The following ABHD12B variants were observed in gnomAD, a reference collection of about 807,000 sequenced individuals.
ABHD12B encodes abhydrolase domain containing 12B.
A neutral mutation model predicts 50.4 loss-of-function variants in ABHD12B; 42 were observed. That is an observed-to-expected ratio of 0.83 (90% CI 0.65 to 1.08). The LOEUF (loss-of-function observed/expected upper bound fraction) is 1.08, where lower values mean the gene tolerates loss of function less well. ABHD12B is among the 50% of genes least tolerant of loss of function. ABHD12B has a pLI of 0.00. For missense variants in ABHD12B, 479 were observed against 447.7 expected (o/e 1.07, Z -0.63); for synonymous variants, 167 against 160.3 (o/e 1.04, Z -0.32).
Position 50,903,503 on chromosome 14 carries a change from A to G in ABHD12B, c.942+36A>G, listed in dbSNP as rs1361850715. On this transcript the variant is annotated intron_variant, in intron 11 of 12. Transcript: ENST00000337334. ...GGCTCAATGCTGACTGAAATATACT[A>G]TACTCATTTCACCATTTTTTTCATT... 2.0e-6 allele frequency: 3 copies of G among 1,538,308 alleles called. No individual in the cohort carries two copies. The Admixed American group carries it at 5.6e-5, about 29-fold the overall frequency.
chr14:50,878,270 A>G (rs1483876511), intron 2 of ABHD12B, among the ~76,000 whole-genome samples, 191 bp downstream of exon 2: 2 of 152,180 alleles, frequency 1.3e-5, no homozygotes, highest in Admixed American at 6.5e-5. Flanking sequence ...GGGAGTAAAG[A>G]GAGATGCATG....
chr14:50,904,435 A>G lies in ABHD12B; in HGVS notation c.*69A>G. On this transcript the variant is annotated 3_prime_UTR_variant, in exon 13 of 13. Coordinates refer to ENST00000337334, the MANE Select transcript of ABHD12B (RefSeq NM_001206673.2). The stretch of plus-strand genomic sequence containing the variant: ...ACCACCTGTGATGTATATTGTTCTA[A>G]TGTAAAATTGTACTGGGCTGGTCGG... 1 of 1,600,232 alleles carries G rather than the reference A, an allele frequency of 6.2e-7. No homozygotes were observed. Among genetic ancestry groups the G allele is most frequent in the Non-Finnish European group, 8.5e-7 (1 of 1,170,370 alleles).
chr14:50,881,520 G>T, intron 4 of ABHD12B, 76 bp from the exon 5 acceptor site: 1 of 1,520,546 alleles, frequency 6.6e-7, no homozygotes, highest in Non-Finnish European at 8.9e-7. Flanking sequence ...AGCAGCACGA[G>T]AGTGATTTTT....
chr14:50,885,596 A>G lies in ABHD12B; in HGVS notation c.487-18A>G. Reference sequence around the variant, plus strand: ...TTCATCTTCTAATTAAAGTGATAACAGCTCCTTTGTTACCTAGGTGCTGAG... The same window carrying G: ...TTCATCTTCTAATTAAAGTGATAACGGCTCCTTTGTTACCTAGGTGCTGAG... On this transcript the variant is annotated intron_variant, in intron 5 of 12. Transcript: ENST00000337334. 1 of 1,614,200 alleles carries G rather than the reference A, an allele frequency of 6.2e-7. No homozygotes were observed. The highest frequency in any genetic ancestry group is 8.5e-7 in the Non-Finnish European group (1 of 1,180,024).
intron 2 of ABHD12B, among the ~76,000 whole-genome samples, chr14:50,878,412 T>C (rs1057211626): frequency 1.3e-5 from 2 of 152,230 alleles, no homozygotes; most frequent in African/African-American, 4.8e-5. Context: ...AGAATACTTA[T>C]TATTTTCTTC....
intron 1 of ABHD12B, 30 bp downstream of exon 1, chr14:50,872,308 G>A (rs2049796860): frequency 8.0e-7 from 1 of 1,257,444 alleles, no homozygotes; most frequent in African/African-American, 1.6e-5. Flanking sequence ...CCCCTGGCCG[G>A]GCCCCGACGG....
At chr14:50,897,071 G>GTT (rs546998445) in intron 9 of ABHD12B, among the ~76,000 whole-genome samples, 21 of 128,020 alleles carry the variant, frequency 1.6e-4, no homozygotes, top group Admixed American at 2.4e-4. Flanking sequence ...ATTTAGTTTA[G>GTT]TTTTTTTTTT....
chr14:50,892,741 T>G, intron 9 of ABHD12B: 1 of 316,992 alleles, frequency 3.2e-6, no homozygotes, highest in Non-Finnish European at 4.6e-6. Context: ...TACCATCTAA[T>G]AATTTATTTT....
rs1392965612 is a variant in ABHD12B at position 50,886,970 on chromosome 14, C to T, written c.700+286C>T. 2.0e-5 allele frequency among the ~76,000 whole-genome samples: 3 copies of T among 151,982 alleles called. No homozygotes were observed. The South Asian group carries it at 6.2e-4, about 32-fold the overall frequency. ...GTGGCTCACGCCTGTAATCCCAGCA[C>T]TTTGGGAGGCTGAGGTGGGTGGATC... is the stretch of plus-strand genomic sequence containing the variant. On this transcript the variant is annotated intron_variant, in intron 8 of 12. Transcript: ENST00000337334.
intron 9 of ABHD12B, among the ~76,000 whole-genome samples, chr14:50,899,185 T>TC (rs1028128311): frequency 6.6e-6 from 1 of 151,800 alleles, no homozygotes; most frequent in African/African-American, 2.4e-5. Context: ...AGAATGACAC[T>TC]CCGTCTCAAA....
intron 5 of ABHD12B, among the ~76,000 whole-genome samples, chr14:50,884,779 C>A (rs953953427): frequency 4.3e-5 from 6 of 138,214 alleles, no homozygotes; most frequent in African/African-American, 1.7e-4. Flanking sequence ...GTGGTGTGAT[C>A]TTGGTTGCTC....
intron 9 of ABHD12B, among the ~76,000 whole-genome samples, chr14:50,895,221 C>G (rs1055607703): frequency 8.0e-5 from 12 of 149,424 alleles, no homozygotes; most frequent in African/African-American, 3.1e-4. Flanking sequence ...AATCTGCTCC[C>G]GACATTAAAT....
intron 4 of ABHD12B, among the ~76,000 whole-genome samples, chr14:50,881,203 G>A (rs1341668785): frequency 2.6e-5 from 4 of 152,126 alleles, no homozygotes; most frequent in Non-Finnish European, 5.9e-5. Flanking sequence ...GTTGGGTGAC[G>A]ATCATCGGCT....
At chr14:50,887,879 G>A (rs1216639704) in intron 8 of ABHD12B, among the ~76,000 whole-genome samples, 3 of 152,120 alleles carry the variant, frequency 2.0e-5, no homozygotes, top group Non-Finnish European at 2.9e-5. Flanking sequence ...TCTAATTTCT[G>A]TCATTTGGAT....
intron 9 of ABHD12B, among the ~76,000 whole-genome samples, chr14:50,894,383 AC>A (rs971281905): frequency 3.4e-5 from 5 of 147,202 alleles, no homozygotes; most frequent in Non-Finnish European, 4.5e-5. Flanking sequence ...GAGGGCAAGA[AC>A]CCCCCCACCC....
chr14:50,901,732 C>G (rs1181282313), intron 9 of ABHD12B, 97 bp from the exon 10 acceptor site: 11 of 674,190 alleles, frequency 1.6e-5, no homozygotes, highest in East Asian at 3.2e-5. Flanking sequence ...TAGAGAAGCA[C>G]TACTCTCTGT....
intron 9 of ABHD12B, among the ~76,000 whole-genome samples, chr14:50,901,573 A>G (rs1441024387): frequency 6.6e-6 from 1 of 152,240 alleles, no homozygotes; most frequent in Non-Finnish European, 1.5e-5. Context: ...TGCCATTTTT[A>G]GGAAGTGAAA....
At chr14:50,888,924 T>C in intron 9 of ABHD12B, 21 bp downstream of exon 9, 2 of 1,604,908 alleles carry the variant, frequency 1.2e-6, no homozygotes, top group East Asian at 2.2e-5. Context: ...GATTCATCTT[T>C]ACAAGGGATC....
chr14:50,882,742 C>T (rs1441991724), intron 5 of ABHD12B, among the ~76,000 whole-genome samples: 1 of 151,822 alleles, frequency 6.6e-6, no homozygotes, highest in African/African-American at 2.4e-5. Flanking sequence ...GCAGTACCAA[C>T]ACTTTGGAAG....
Sources: gnomAD v4.1 joint callset for allele counts (sites outside exome capture counted in the v4.1 genomes callset) on GRCh38, gnomAD v4.1.1 for gene constraint, MANE v1.5 for transcripts, NCBI Gene and HGNC (gene_info 2026-07-23, HGNC 2026-07-21) for gene names.